SLC35F3: variants seen among roughly 807,000 people sequenced by gnomAD.
SLC35F3 encodes the protein putative thiamine transporter SLC35F3.
Under a neutral mutation model 49.9 loss-of-function variants are expected in SLC35F3, and 25 were observed. That is an observed-to-expected ratio of 0.50 (90% CI 0.37 to 0.70). The LOEUF is 0.70. Among genes scored for constraint, SLC35F3 ranks in the 30% least tolerant of loss-of-function variants. The pLI is 0.00. For missense variants in SLC35F3, 525 were observed against 639.8 expected (o/e 0.82, Z 1.94); for synonymous variants, 275 against 265.4 (o/e 1.04, Z -0.35).
intron 2 of SLC35F3, among the ~76,000 whole-genome samples, chr1:234,202,248 C>T (rs1323787614): frequency 6.6e-6 from 1 of 151,838 alleles, no homozygotes; most frequent in South Asian, 2.1e-4. Flanking sequence ...TAGGGTCTGT[C>T]GGGCAGTGGG....
intron 4 of SLC35F3, among the ~76,000 whole-genome samples, chr1:234,311,170 A>G (rs184214750): frequency 6.6e-6 from 1 of 152,248 alleles, no homozygotes; most frequent in Non-Finnish European, 1.5e-5. Flanking sequence ...GTGCATGACC[A>G]GTCATCTAAG....
intron 2 of SLC35F3, among the ~76,000 whole-genome samples, chr1:233,948,269 G>T (rs1662548967): frequency 6.6e-6 from 1 of 150,658 alleles, no homozygotes; most frequent in Non-Finnish European, 1.5e-5. Flanking sequence ...GTGTGAATGT[G>T]TAGCAAGATG....
intron 2 of SLC35F3, among the ~76,000 whole-genome samples, chr1:234,067,780 G>A (rs915537561): frequency 1.6e-4 from 25 of 152,208 alleles, no homozygotes; most frequent in Admixed American, 1.3e-4. Flanking sequence ...AAAACCAGCA[G>A]AACTGCTTGA....
At chr1:234,194,134 ATT>A (rs1558256159) in intron 2 of SLC35F3, among the ~76,000 whole-genome samples, 3 of 111,416 alleles carry the variant, frequency 2.7e-5, no homozygotes, top group Non-Finnish European at 7.4e-5. Flanking sequence ...AGAAGTCATT[ATT>A]AAAAAAAGAT....
chr1:234,228,360 G>C (rs536301005), intron 2 of SLC35F3, among the ~76,000 whole-genome samples: 19 of 152,332 alleles, frequency 1.2e-4, no homozygotes, highest in African/African-American at 3.8e-4. Flanking sequence ...GCTCTCTGCA[G>C]AATTCCTGTT....
chr1:234,178,533 C>A (rs1666510623), intron 2 of SLC35F3, among the ~76,000 whole-genome samples: 1 of 152,038 alleles, frequency 6.6e-6, no homozygotes, highest in African/African-American at 2.4e-5. Context: ...TCCCATATAA[C>A]CCCTTGCTCC....
chr1:234,238,728 A>T (rs1667512111), intron 3 of SLC35F3, among the ~76,000 whole-genome samples: 1 of 152,098 alleles, frequency 6.6e-6, no homozygotes, highest in Non-Finnish European at 1.5e-5. Context: ...TCTACAAGTG[A>T]TTTTTAGGCT....
chr1:233,981,213 G>C (rs560845876), intron 2 of SLC35F3, among the ~76,000 whole-genome samples: 4 of 146,538 alleles, frequency 2.7e-5, no homozygotes, highest in Non-Finnish European at 6.2e-5. Flanking sequence ...TTATGTGTAC[G>C]TGTGTGTGTG....
intron 2 of SLC35F3, among the ~76,000 whole-genome samples, chr1:234,106,604 A>G (rs1024737388): frequency 6.6e-6 from 1 of 152,144 alleles, no homozygotes; most frequent in Non-Finnish European, 1.5e-5. Context: ...GTGCTATTAG[A>G]TAGGGCCCCA....
At chr1:234,108,602 GAT>G (rs1294944483) in intron 2 of SLC35F3, among the ~76,000 whole-genome samples, 8 of 88,990 alleles carry the variant, frequency 9.0e-5, no homozygotes, top group African/African-American at 3.5e-4. Context: ...ACATATAAAA[GAT>G]ATATATTTAT....
intron 2 of SLC35F3, chr1:234,213,248 T>G (rs1178968036): frequency 6.6e-6 from 1 of 152,250 alleles, no homozygotes; most frequent in African/African-American, 2.4e-5. Context: ...AATGAAGTTT[T>G]AACTTTGAGA....
chr1:234,259,725 C>T (rs1312174487), intron 3 of SLC35F3, among the ~76,000 whole-genome samples: 2 of 151,732 alleles, frequency 1.3e-5, no homozygotes, highest in Admixed American at 6.6e-5. Context: ...CTGATTTACA[C>T]TCACACCATT....
chr1:234,157,175 A>G (rs1366628103), intron 2 of SLC35F3, among the ~76,000 whole-genome samples: 1 of 152,228 alleles, frequency 6.6e-6, no homozygotes, highest in Admixed American at 6.5e-5. Flanking sequence ...ACTCTTAACA[A>G]TAGGGGAAAA....
At chr1:234,069,277 A>G (rs1664678860) in intron 2 of SLC35F3, among the ~76,000 whole-genome samples, 3 of 113,432 alleles carry the variant, frequency 2.6e-5, no homozygotes. Flanking sequence ...TTTTTTTTTG[A>G]GAGGGAGTCT....
intron 2 of SLC35F3, among the ~76,000 whole-genome samples, chr1:234,205,437 G>A (rs1348908962): frequency 6.6e-6 from 1 of 152,202 alleles, no homozygotes; most frequent in Non-Finnish European, 1.5e-5. Flanking sequence ...CTCCAGCCTG[G>A]GCAACAGAGT....
intron 2 of SLC35F3, among the ~76,000 whole-genome samples, chr1:234,166,917 T>G (rs1558248020): frequency 6.6e-6 from 1 of 152,208 alleles, no homozygotes; most frequent in Non-Finnish European, 1.5e-5. Flanking sequence ...CTCATGAGGC[T>G]TCCATTGTCA....
chr1:233,967,896 C>A (rs908124784), intron 2 of SLC35F3, among the ~76,000 whole-genome samples: 4 of 152,176 alleles, frequency 2.6e-5, no homozygotes, highest in African/African-American at 9.7e-5. Flanking sequence ...CCCATGGCTC[C>A]AAACTGAAAC....
intron 2 of SLC35F3, chr1:234,213,119 G>A (rs1314797067): frequency 6.6e-6 from 1 of 152,246 alleles, no homozygotes; most frequent in Non-Finnish European, 1.5e-5. Context: ...GGGGTTGCAG[G>A]TGGATGTCAC....
chr1:234,130,619 T>A (rs114956004), intron 2 of SLC35F3, among the ~76,000 whole-genome samples: 11,005 of 140,006 alleles, frequency 0.079, 673 homozygotes, highest in African/African-American at 0.18. Context: ...CCAGCCCAGG[T>A]GACAGAGAGA....
Sources: gnomAD v4.1 joint callset for allele counts (sites outside exome capture counted in the v4.1 genomes callset) on GRCh38, gnomAD v4.1.1 for gene constraint, MANE v1.5 for transcripts, NCBI Gene and HGNC (gene_info 2026-07-23, HGNC 2026-07-21) for gene names.